FAM200A: variants seen among roughly 807,000 people sequenced by gnomAD.
The protein encoded by FAM200A is ZBED8 like, also known as protein FAM200A.
A neutral mutation model predicts 44.2 loss-of-function variants in FAM200A; 26 were observed. The observed-to-expected ratio is 0.59, with a 90% CI of 0.43 to 0.82. The LOEUF is 0.82. Among genes scored for constraint, FAM200A ranks in the 40% least tolerant of loss-of-function variants. The pLI is 0.00. For synonymous variants in FAM200A, 206 were observed against 244.4 expected, an observed-to-expected ratio of 0.84 and a Z score of 1.47; for missense variants, 606 against 669.5, an observed-to-expected ratio of 0.91 and a Z score of 1.05.
upstream of FAM200A, among the ~76,000 whole-genome samples, chr7:99,556,865 A>G (rs189164812): frequency 1.3e-5 from 2 of 152,278 alleles, no homozygotes; most frequent in African/African-American, 4.8e-5. Flanking sequence ...GTGAAACCCC[A>G]TCTCTACTAA....
upstream of FAM200A, among the ~76,000 whole-genome samples, chr7:99,553,068 CACAT>C (rs1472311481): frequency 6.2e-4 from 55 of 89,364 alleles, 1 homozygote; most frequent in South Asian, 3.0e-3. Context: ...TATATACACA[CACAT>C]ATATATATAT....
upstream of FAM200A, among the ~76,000 whole-genome samples, chr7:99,553,137 A>T (rs1226017292): frequency 7.3e-6 from 1 of 136,680 alleles, no homozygotes; most frequent in Non-Finnish European, 1.5e-5. Flanking sequence ...GGCACCGTCA[A>T]ATCCAATCTT....
Position 99,547,590 on chromosome 7 carries a change from CCTTT to C in FAM200A, c.814_817del (p.Lys272GlufsTer4). 6.4e-7 allele frequency: 1 copy of C among 1,551,410 alleles called. No homozygotes were observed. The highest frequency in any genetic ancestry group is 8.7e-7 in the Non-Finnish European group (1 of 1,146,938). On this transcript the variant is annotated frameshift_variant, in exon 2 of 2. Transcript: ENST00000449309. LOFTEE classifies it high-confidence loss of function. Reference sequence around the variant, plus strand: ...GAGAAGTCGGCTATTCAGTGAGCTTCCTTTAATAAAATTAACAGTTTTCACTGCA... The same window carrying C: ...GAGAAGTCGGCTATTCAGTGAGCTTCAATAAAATTAACAGTTTTCACTGCA...
At chr7:99,554,751 C>T (rs183346202), upstream of FAM200A, among the ~76,000 whole-genome samples, 5 of 152,282 alleles carry the variant, frequency 3.3e-5, no homozygotes, top group East Asian at 7.7e-4. Flanking sequence ...TTCAGGGCAA[C>T]GCGAGTGGGG....
At chr7:99,550,048 TA>T (rs60499530) in intron 1 of FAM200A, among the ~76,000 whole-genome samples, 15 of 150,260 alleles carry the variant, frequency 1.0e-4, no homozygotes, top group African/African-American at 2.4e-4. Context: ...TAAAGTATAA[TA>T]AAAAAAAGTA....
At position 99,547,127 on chromosome 7, in the gene FAM200A, G is replaced by A. The variant is rs776776682; in HGVS notation, c.1281C>T (p.Leu427=). 3.2e-6 allele frequency: 5 copies of A among 1,547,260 alleles called. No individual in the cohort carries two copies. In the South Asian group the frequency reaches 6.1e-5, roughly 19 times the overall value. Residue 427 remains leucine, a synonymous_variant, in exon 2 of 2, where the codon CTC becomes CTT. Transcript: ENST00000449309. Reference sequence around the variant, plus strand: ...AATTAAAAGTTTGAGACAAAGAAGTGAGATGCAACAATATCTCTAATTTTA... The same window carrying A: ...AATTAAAAGTTTGAGACAAAGAAGTAAGATGCAACAATATCTCTAATTTTA... ...KEIKLEILLH[L]TSLSQTFNYY... is the part of the protein sequence containing the mutation.
At chr7:99,552,832 C>T (rs559479990), upstream of FAM200A, among the ~76,000 whole-genome samples, 7 of 151,906 alleles carry the variant, frequency 4.6e-5, no homozygotes, top group East Asian at 1.9e-4. Context: ...GATACAGAGC[C>T]TATGATTACG....
chr7:99,547,127 G>T lies in FAM200A; in HGVS notation c.1281C>A (p.Leu427=), dbSNP rs776776682. 6.5e-7 allele frequency: 1 copy of T among 1,547,260 alleles called. No individual in the cohort carries two copies. Among genetic ancestry groups the T allele is most frequent in the South Asian group, 1.2e-5 (1 of 82,552 alleles). The part of the protein sequence containing the change: ...KEIKLEILLH[L]TSLSQTFNYY... ...AATTAAAAGTTTGAGACAAAGAAGT[G>T]AGATGCAACAATATCTCTAATTTTA... is the stretch of plus-strand genomic sequence containing the variant. The change falls in exon 2 of 2, where the codon CTC becomes CTA. Residue 427 remains leucine (L), a synonymous_variant. Coordinates refer to ENST00000449309, the MANE Select transcript of FAM200A (RefSeq NM_145111.4).
chr7:99,554,555 T>A (rs1380472098), upstream of FAM200A, among the ~76,000 whole-genome samples: 1 of 151,122 alleles, frequency 6.6e-6, no homozygotes, highest in African/African-American at 2.4e-5. Flanking sequence ...CTATCCCTGC[T>A]ACCATGGTCT....
upstream of FAM200A, among the ~76,000 whole-genome samples, chr7:99,552,991 A>T (rs1348866866): frequency 2.1e-5 from 3 of 144,834 alleles, no homozygotes; most frequent in Non-Finnish European, 4.5e-5. Context: ...ATATACACAC[A>T]TATATATACA....
rs1372123363 is a variant in FAM200A at position 99,547,354 on chromosome 7, C to T, written c.1054G>A (p.Gly352Ser). ...TTCAGGCTTAATTCATTAAGAATGC[C>T]AAAAATATCACTTAAATATGCCAAT... ...TKLAYLSDIF[G>S]ILNELSLKMQ... The change falls in exon 2 of 2, where the codon GGC becomes AGC. Residue 352 changes from glycine to serine, a missense_variant. Physicochemically the swap from Gly to Ser is moderately conservative, Grantham distance 56 (BLOSUM62 0). Transcript: ENST00000449309. The T allele has an allele frequency of 1.9e-6, 3 of 1,549,200 alleles. No homozygotes were observed. Among genetic ancestry groups the T allele is most frequent in the African/African-American group, 2.7e-5 (2 of 73,082 alleles).
intron 1 of FAM200A, among the ~76,000 whole-genome samples, chr7:99,550,117 CCT>C (rs1491560487): frequency 2.0e-5 from 3 of 151,878 alleles, no homozygotes; most frequent in African/African-American, 7.3e-5. Context: ...TGAACCCCCC[CCT>C]TTTTTTTTTG....
intron 1 of FAM200A, among the ~76,000 whole-genome samples, chr7:99,549,351 T>C (rs1173021344): frequency 6.6e-6 from 1 of 152,018 alleles, no homozygotes; most frequent in Non-Finnish European, 1.5e-5. Context: ...TATTTCACCA[T>C]TCATGTGAGT....
Position 99,546,845 on chromosome 7 carries a change from T to C in FAM200A, c.1563A>G (p.Thr521=), listed in dbSNP as rs1046941352. 6.4e-7 allele frequency: 1 copy of C among 1,551,356 alleles called. No homozygotes were observed. Among genetic ancestry groups the C allele is most frequent in the African/African-American group, 1.4e-5 (1 of 73,058 alleles). Residue 521 remains threonine (T), a synonymous_variant, in exon 2 of 2, where the codon ACA becomes ACG. Transcript: ENST00000449309. Reference sequence around the variant, plus strand: ...ATCCTAGTTCACACAAATATGTAGTTGTGAATGGTAGTAACAGCAATATAC... The same window carrying C: ...ATCCTAGTTCACACAAATATGTAGTCGTGAATGGTAGTAACAGCAATATAC... ...RKSILLLLPF[T]TTYLCELGFS...
upstream of FAM200A, among the ~76,000 whole-genome samples, chr7:99,556,625 A>T (rs1802684459): frequency 6.6e-6 from 1 of 152,144 alleles, no homozygotes; most frequent in Admixed American, 6.5e-5. Flanking sequence ...TTTAGGAAAA[A>T]AATCTTAAAA....
At position 99,552,071 on chromosome 7, in the gene FAM200A, C is replaced by G. The variant is rs184885376; in HGVS notation, c.-317G>C. On this transcript the variant is annotated 5_prime_UTR_variant, in exon 1 of 2. It removes the in-frame stop codon of an upstream open reading frame in the 5' UTR. Transcript: ENST00000449309. The stretch of plus-strand genomic sequence containing the variant: ...CTTTGGGGACCAGGAGCACTAGACT[C>G]ACATCCAAGCCCCCTGGCCTTCAGA... The G allele has an allele frequency of 5.4e-3, 5,357 of 985,522 alleles. 22 individuals carry two copies. The highest frequency in any genetic ancestry group is 8.1e-3 in the South Asian group (173 of 21,294). The allele number at this position is 985,522 out of a possible 1,614,324, so 61.0% of individuals were successfully genotyped here. A position where few individuals can be genotyped will look rare whatever the true frequency, so the allele number is the denominator to read the frequency against.
chr7:99,553,068 C>CATATATATATATATATATAT (rs745655559), upstream of FAM200A, among the ~76,000 whole-genome samples: 2 of 89,370 alleles, frequency 2.2e-5, no homozygotes, highest in South Asian at 8.5e-4. Flanking sequence ...TATATACACA[C>CATATATATATATATATATAT]ACATATATAT....
At position 99,547,923 on chromosome 7, in the gene FAM200A, TATCTGACATA is replaced by T; in HGVS notation, c.475_484del (p.Tyr159MetfsTer8). The T allele has an allele frequency of 6.4e-7, 1 of 1,551,266 alleles. No individual in the cohort carries two copies. The highest frequency in any genetic ancestry group is 8.7e-7 in the Non-Finnish European group (1 of 1,147,004). On this transcript the variant is annotated frameshift_variant, in exon 2 of 2. Coordinates refer to ENST00000449309, the MANE Select transcript of FAM200A (RefSeq NM_145111.4). LOFTEE classifies it high-confidence loss of function. ...CTCTACAAAATCATCTTGCCACACA[TATCTGACATA>T]AACCAAGAGTGTGGGACAACTTGCA...
chr7:99,550,196 C>T (rs1436656289), intron 1 of FAM200A, among the ~76,000 whole-genome samples: 3 of 151,958 alleles, frequency 2.0e-5, no homozygotes, highest in Non-Finnish European at 2.9e-5. Flanking sequence ...CTGCAACCTC[C>T]GCCTCCAGGG....
Sources: allele counts gnomAD v4.1 joint callset (sites outside exome capture counted in the v4.1 genomes callset), GRCh38; gene constraint gnomAD v4.1.1; transcripts MANE v1.5; gene names NCBI Gene and HGNC (gene_info 2026-07-23, HGNC 2026-07-21).